Variants in EPHB1 observed in about 807,000 individuals in gnomAD.
The protein encoded by EPHB1 is ephrin type-B receptor 1.
In EPHB1, 30 loss-of-function variants were observed where a neutral mutation model predicts 94.4. That is an observed-to-expected ratio of 0.32 (90% CI 0.24 to 0.43). EPHB1 has a LOEUF of 0.43. EPHB1 is among the 20% of genes least tolerant of loss of function. The pLI is 1.00. For missense variants in EPHB1, 1,055 were observed against 1,308.3 expected (o/e 0.81, Z 2.99); for synonymous variants, 522 against 489.1 (o/e 1.07, Z -0.89).
chr3:134,939,812 C>T (rs3772657), intron 2 of EPHB1, among the ~76,000 whole-genome samples: 32,677 of 152,144 alleles, frequency 0.21, 3,861 homozygotes, highest in Middle Eastern at 0.32. Context: ...GCCATCTCCC[C>T]GGATTGGGCA....
At chr3:135,137,369 T>C (rs1479211707) in intron 5 of EPHB1, among the ~76,000 whole-genome samples, 2 of 152,196 alleles carry the variant, frequency 1.3e-5, no homozygotes, top group East Asian at 3.8e-4. Context: ...GACAACTGAT[T>C]AGAAAATTTT....
chr3:135,145,136 C>T (rs1659264610), intron 5 of EPHB1, among the ~76,000 whole-genome samples: 1 of 152,186 alleles, frequency 6.6e-6, no homozygotes, highest in Admixed American at 6.5e-5. Context: ...AATGAGTTTT[C>T]ATCTACAGTG....
chr3:134,807,548 AGAGGG>A (rs1375294752), intron 1 of EPHB1, among the ~76,000 whole-genome samples: 3 of 4,208 alleles, frequency 7.1e-4, no homozygotes, highest in Non-Finnish European at 7.0e-4. Context: ...TGTGAGAGAG[AGAGGG>A]GAGAGAGAGA....
chr3:134,938,202 C>T (rs1014138374), intron 2 of EPHB1, among the ~76,000 whole-genome samples: 1 of 152,162 alleles, frequency 6.6e-6, no homozygotes, highest in African/African-American at 2.4e-5. Context: ...ACAGCAGCAG[C>T]AGCTGTCATA....
chr3:135,096,111 T>C (rs1229357829), intron 3 of EPHB1, among the ~76,000 whole-genome samples: 1 of 152,222 alleles, frequency 6.6e-6, no homozygotes, highest in Non-Finnish European at 1.5e-5. Context: ...TCAAGTGAAT[T>C]GTTGATGAAA....
chr3:135,002,744 G>A (rs849855), intron 3 of EPHB1, among the ~76,000 whole-genome samples: 151 of 152,192 alleles, frequency 9.9e-4, no homozygotes, highest in Non-Finnish European at 1.3e-3. Flanking sequence ...GTTTATTTGC[G>A]TAGAGGTGTT....
chr3:135,098,076 C>A (rs1938874580), intron 3 of EPHB1, among the ~76,000 whole-genome samples: 1 of 152,186 alleles, frequency 6.6e-6, no homozygotes, highest in Non-Finnish European at 1.5e-5. Context: ...ACCTCTGTCA[C>A]AGAGCATCTC....
chr3:135,006,815 T>C (rs546573624), intron 3 of EPHB1, among the ~76,000 whole-genome samples: 2 of 140,258 alleles, frequency 1.4e-5, no homozygotes, highest in South Asian at 4.6e-4. Context: ...TGATATATGA[T>C]GCCAAGTTTT....
intron 1 of EPHB1, among the ~76,000 whole-genome samples, chr3:134,872,034 C>T (rs2037510206): frequency 6.6e-6 from 1 of 152,200 alleles, no homozygotes; most frequent in African/African-American, 2.4e-5. Context: ...TGCACCTGCT[C>T]TTGCTCCCCT....
chr3:135,028,107 TTCTC>T (rs1220402576), intron 3 of EPHB1, among the ~76,000 whole-genome samples: 3 of 144,642 alleles, frequency 2.1e-5, no homozygotes, highest in Admixed American at 6.8e-5. Flanking sequence ...TATTTGATTC[TTCTC>T]TCTTTTTTTC....
intron 1 of EPHB1, among the ~76,000 whole-genome samples, chr3:134,821,718 G>A (rs2036384504): frequency 6.6e-6 from 1 of 152,238 alleles, no homozygotes; most frequent in South Asian, 2.1e-4. Context: ...GGACTCCTAT[G>A]TCTTTCTCTG....
intron 1 of EPHB1, among the ~76,000 whole-genome samples, chr3:134,860,893 C>A (rs547031094): frequency 6.4e-4 from 97 of 151,684 alleles, no homozygotes; most frequent in African/African-American, 2.3e-3. Context: ...GACCCTGGCT[C>A]ATCCCCAGAT....
rs151336394 is a variant in EPHB1 at position 134,807,494 on chromosome 3, A to AGTGTGTGT, written c.58+11829_58+11836dup. 8.1e-3 allele frequency among the ~76,000 whole-genome samples: 1,123 copies of AGTGTGTGT among 138,810 alleles called. 15 individuals carry two copies. Among genetic ancestry groups the AGTGTGTGT allele is most frequent in the African/African-American group, 0.028 (1,038 of 37,004 alleles). 91.1% of individuals were successfully genotyped at this position (138,810 alleles called of 152,430 possible). On this transcript the variant is annotated intron_variant, in intron 1 of 15. Transcript: ENST00000398015. The stretch of plus-strand genomic sequence containing the variant: ...TAGAGTGGGAAGGATTTGGGGAAGG[A>AGTGTGTGT]GTGTGTGTGTGTGTGTGTGTGTGTG...
intron 12 of EPHB1, among the ~76,000 whole-genome samples, chr3:135,228,025 A>G (rs1305307647): frequency 6.6e-6 from 1 of 152,188 alleles, no homozygotes; most frequent in African/African-American, 2.4e-5. Flanking sequence ...ACTATAGTAC[A>G]GTTATCAACT....
chr3:134,881,131 G>A (rs2037721781), intron 1 of EPHB1, among the ~76,000 whole-genome samples: 1 of 152,066 alleles, frequency 6.6e-6, no homozygotes, highest in South Asian at 2.1e-4. Flanking sequence ...AGTTGTGGGA[G>A]ATGTGCTAGT....
At chr3:135,069,148 A>G (rs1331237610) in intron 3 of EPHB1, among the ~76,000 whole-genome samples, 1 of 151,314 alleles carries the variant, frequency 6.6e-6, no homozygotes, top group Non-Finnish European at 1.5e-5. Context: ...GGTCACAAAT[A>G]TTTATGCTTA....
chr3:135,178,526 C>T (rs1340774925), intron 9 of EPHB1, among the ~76,000 whole-genome samples: 2 of 151,766 alleles, frequency 1.3e-5, no homozygotes, highest in South Asian at 2.1e-4. Flanking sequence ...TTGGATTACA[C>T]TCTAGTCTAA....
intron 1 of EPHB1, among the ~76,000 whole-genome samples, chr3:134,837,931 T>C (rs1450426475): frequency 1.3e-5 from 2 of 152,122 alleles, no homozygotes; most frequent in African/African-American, 4.8e-5. Flanking sequence ...CACTGGACAT[T>C]ACGTAGCCAT....
intron 1 of EPHB1, among the ~76,000 whole-genome samples, chr3:134,870,594 G>A (rs1350635577): frequency 1.3e-5 from 2 of 152,198 alleles, no homozygotes; most frequent in African/African-American, 2.4e-5. Flanking sequence ...CACCATGAAC[G>A]CTGGCGTTAT....
Sources: gnomAD v4.1 joint callset for allele counts (sites outside exome capture counted in the v4.1 genomes callset) on GRCh38, gnomAD v4.1.1 for gene constraint, MANE v1.5 for transcripts, NCBI Gene and HGNC (gene_info 2026-07-23, HGNC 2026-07-21) for gene names.